The following SPRING1 variants were observed in gnomAD, a reference collection of about 807,000 sequenced individuals.
SPRING1 encodes SREBF pathway regulator in golgi 1, also known as SREBP regulating gene protein.
In SPRING1, 14 loss-of-function variants were observed where a neutral mutation model predicts 24.7. That is an observed-to-expected ratio of 0.57 (90% CI 0.37 to 0.88). The LOEUF is 0.88. Among genes scored for constraint, SPRING1 ranks in the 40% least tolerant of loss-of-function variants. The pLI is 0.00. For synonymous variants in SPRING1, 93 were observed against 106.1 expected, an observed-to-expected ratio of 0.88 and a Z score of 0.76; for missense variants, 255 against 268.4, an observed-to-expected ratio of 0.95 and a Z score of 0.35.
chr12:116,729,177 C>A (rs73401316), intron 1 of SPRING1, among the ~76,000 whole-genome samples: 1 of 152,128 alleles, frequency 6.6e-6, no homozygotes, highest in African/African-American at 2.4e-5. Context: ...GCTGAATCTC[C>A]GAAGCGACCT....
At chr12:116,719,709 T>C in intron 4 of SPRING1, 54 bp downstream of exon 4, 1 of 1,468,132 alleles carries the variant, frequency 6.8e-7, no homozygotes, top group Non-Finnish European at 9.5e-7. Context: ...TTTTCTAGTT[T>C]CCTTCTAACC....
intron 2 of SPRING1, among the ~76,000 whole-genome samples, chr12:116,722,420 G>A (rs1167802603): frequency 6.6e-6 from 1 of 152,170 alleles, no homozygotes; most frequent in Non-Finnish European, 1.5e-5. Context: ...CTCACTGAAT[G>A]TCACACATCC....
At position 116,717,714 on chromosome 12, in the gene SPRING1, T is replaced by C; in HGVS notation, c.*96A>G. On this transcript the variant is annotated 3_prime_UTR_variant, in exon 5 of 5. Coordinates refer to ENST00000261318, the MANE Select transcript of SPRING1 (RefSeq NM_024738.4). This position sits in a 1 kb window ranked among gnomAD's most constrained non-coding sequence, Gnocchi z 4.2. ...TTTCCTCACGCTGCCTTTGTCTTCT[T>C]CCTGCAGCCTGGCCCGATGGCTGAA... 1 of 1,129,178 alleles carries C rather than the reference T, an allele frequency of 8.9e-7. No individual in the cohort carries two copies. Among genetic ancestry groups the C allele is most frequent in the East Asian group, 2.7e-5 (1 of 36,866 alleles). 69.9% of individuals were successfully genotyped at this position (1,129,178 alleles called of 1,614,324 possible). A position where few individuals can be genotyped will look rare whatever the true frequency, so the allele number is the denominator to read the frequency against.
chr12:116,719,714 C>A (rs753153840), intron 4 of SPRING1, 49 bp downstream of exon 4: 11 of 1,513,352 alleles, frequency 7.3e-6, no homozygotes, highest in African/African-American at 2.7e-5. Context: ...TAGTTTCCTT[C>A]TAACCCGTCA....
At chr12:116,736,629 C>T (rs1182971210) in intron 1 of SPRING1, among the ~76,000 whole-genome samples, 1 of 152,106 alleles carries the variant, frequency 6.6e-6, no homozygotes, top group Non-Finnish European at 1.5e-5. Flanking sequence ...CTTTTTATAA[C>T]CATGTCAGGA....
Position 116,717,884 on chromosome 12 carries a change from G to A in SPRING1, c.544C>T (p.His182Tyr), listed in dbSNP as rs1184068747. 1 of 1,605,690 alleles carries A rather than the reference G, an allele frequency of 6.2e-7. No homozygotes were observed. The highest frequency in any genetic ancestry group is 8.5e-7 in the Non-Finnish European group (1 of 1,175,188). ...ATGGGGTCCCGGTAGGTGTTCTCATGCTGCACGCTCTGTTGGCAAAAGGAA... is the reference window on the plus strand; with the variant it reads ...ATGGGGTCCCGGTAGGTGTTCTCATACTGCACGCTCTGTTGGCAAAAGGAA... ...KCRTSSQSVQHENTYRDPIAK... is the reference protein window; with the variant it reads ...KCRTSSQSVQYENTYRDPIAK... The change falls in exon 5 of 5, where the codon CAT becomes TAT. Residue 182 changes from histidine to tyrosine, a missense_variant. By Grantham distance (83) the His-to-Tyr change is moderately conservative. Transcript: ENST00000261318. This position sits in a 1 kb window ranked among gnomAD's most constrained non-coding sequence, Gnocchi z 4.2.
At chr12:116,722,945 T>C (rs991433297) in intron 2 of SPRING1, 122 bp downstream of exon 2, 3 of 1,271,088 alleles carry the variant, frequency 2.4e-6, no homozygotes, top group Admixed American at 2.3e-5. Flanking sequence ...CTGGGGAATG[T>C]TGGAGATGAG....
intron 1 of SPRING1, among the ~76,000 whole-genome samples, 161 bp downstream of exon 1, chr12:116,737,622 AAGGAAGG>A: frequency 6.9e-6 from 1 of 144,086 alleles, no homozygotes; most frequent in African/African-American, 2.6e-5. Flanking sequence ...GGAAGAAGGG[AAGGAAGG>A]AGGAAGGAAG....
rs1225379177 is a variant in SPRING1, at chr12:116,716,998, G to T, written c.*812C>A. 2 of 152,174 alleles carry T rather than the reference G, an allele frequency of 1.3e-5. 1 individual carries two copies. The highest frequency in any genetic ancestry group is 4.8e-5 in the African/African-American group (2 of 41,440). 9.4% of individuals were successfully genotyped at this position (152,174 alleles called of 1,614,324 possible). A position where few individuals can be genotyped will look rare whatever the true frequency, so the allele number is the denominator to read the frequency against. The stretch of plus-strand genomic sequence containing the variant: ...AAAGAAATGAGAACAAATTCCTCCA[G>T]GAAGAGAAATTAGATTTCTGCTAAA... On this transcript the variant is annotated 3_prime_UTR_variant, in exon 5 of 5. Coordinates refer to ENST00000261318, the MANE Select transcript of SPRING1 (RefSeq NM_024738.4).
At chr12:116,735,043 G>A (rs920426045) in intron 1 of SPRING1, among the ~76,000 whole-genome samples, 1 of 152,202 alleles carries the variant, frequency 6.6e-6, no homozygotes, top group Non-Finnish European at 1.5e-5. Context: ...GGCCTAGAGT[G>A]ACAGCAGTGA....
chr12:116,720,240 T>C lies in SPRING1; in HGVS notation c.420+56A>G. 1 of 1,544,968 alleles carries C rather than the reference T, an allele frequency of 6.5e-7. No homozygotes were observed. Among genetic ancestry groups the C allele is most frequent in the Non-Finnish European group, 8.7e-7 (1 of 1,151,052 alleles). The stretch of plus-strand genomic sequence containing the variant: ...CACATGAAGAGCCTAATGCTCATCA[T>C]AAAACAGAGGCCGAAAGAAAAAAGG... On this transcript the variant is annotated intron_variant, in intron 3 of 4. Coordinates refer to ENST00000261318, the MANE Select transcript of SPRING1 (RefSeq NM_024738.4). This position sits in a 1 kb window ranked among gnomAD's most constrained non-coding sequence, Gnocchi z 4.0.
rs1366382484 is a variant in SPRING1 at position 116,711,719 on chromosome 12, A to G, written c.*6091T>C. 1.3e-5 allele frequency: 2 copies of G among 152,292 alleles called. No individual in the cohort carries two copies. The highest frequency in any genetic ancestry group is 4.8e-5 in the African/African-American group (2 of 41,356). 9.4% of individuals were successfully genotyped at this position (152,292 alleles called of 1,614,324 possible). A position where few individuals can be genotyped will look rare whatever the true frequency, so the allele number is the denominator to read the frequency against. On this transcript the variant is annotated 3_prime_UTR_variant, in exon 5 of 5. Transcript: ENST00000261318. ...AGCCTTGACCTCCTGGACTCAAGCCATCCTCCCGCCTCAGCCTCCTGAGTA... is the reference window on the plus strand; with the variant it reads ...AGCCTTGACCTCCTGGACTCAAGCCGTCCTCCCGCCTCAGCCTCCTGAGTA...
At chr12:116,737,702 A>G in intron 1 of SPRING1, 88 bp downstream of exon 1, 1 of 1,301,216 alleles carries the variant, frequency 7.7e-7, no homozygotes, top group Admixed American at 3.1e-5. Flanking sequence ...AAAAGGAGGA[A>G]GGTAACGAAG....
rs531454929 is a variant in SPRING1 at position 116,728,072 on chromosome 12, T to G, written c.112-4849A>C. Reference sequence around the variant, plus strand: ...AGTTATGCAAACAGCCCTGAGACTTTCAGGAGCTGCACCACTTGAACACGT... The same window carrying G: ...AGTTATGCAAACAGCCCTGAGACTTGCAGGAGCTGCACCACTTGAACACGT... On this transcript the variant is annotated intron_variant, in intron 1 of 4. Transcript: ENST00000261318. This position sits in a 1 kb window ranked among gnomAD's most constrained non-coding sequence, Gnocchi z 4.2. Among the ~76,000 whole-genome samples the G allele has an allele frequency of 2.6e-5, 4 of 152,266 alleles. No homozygotes were observed. In the East Asian group the frequency reaches 7.7e-4, roughly 29 times the overall value.
In SPRING1 at chr12:116,720,533, A is replaced by T; in HGVS notation, c.269-86T>A. The T allele has an allele frequency of 6.5e-7, 1 of 1,530,550 alleles. No individual in the cohort carries two copies. The highest frequency in any genetic ancestry group is 8.9e-7 in the Non-Finnish European group (1 of 1,125,404). 94.8% of individuals were successfully genotyped at this position (1,530,550 alleles called of 1,614,324 possible). A position where few individuals can be genotyped will look rare whatever the true frequency, so the allele number is the denominator to read the frequency against. On this transcript the variant is annotated intron_variant, in intron 2 of 4. Coordinates refer to ENST00000261318, the MANE Select transcript of SPRING1 (RefSeq NM_024738.4). This position sits in a 1 kb window ranked among gnomAD's most constrained non-coding sequence, Gnocchi z 4.0. ...ATGACCATGAAGCAGCAGTGAAAGT[A>T]CACAGACAGAAGCTGGAGTCTGGGG... is the stretch of plus-strand genomic sequence containing the variant.
Position 116,720,436 on chromosome 12 carries a change from C to T in SPRING1, c.280G>A (p.Glu94Lys), listed in dbSNP as rs558278615. ...LITDELGYVCERKDLLVNGCC... is the reference protein window; with the variant it reads ...LITDELGYVCKRKDLLVNGCC... ...CCATTTACCAGCAAATCCTTCCTCT[C>T]GCAAACGTAGCCTGAAAGTCAGAGA... Residue 94 changes from glutamate (E) to lysine (K), a missense_variant, in exon 3 of 5, where the codon GAG (glutamate) becomes AAG (lysine). Glu to Lys is a moderately conservative substitution (Grantham distance 56). Coordinates refer to ENST00000261318, the MANE Select transcript of SPRING1 (RefSeq NM_024738.4). The surrounding 1 kb of genome is among the most constrained non-coding windows in gnomAD (Gnocchi z 4.0). The T allele has an allele frequency of 6.0e-5, 97 of 1,613,990 alleles. No homozygotes were observed. The East Asian group carries it at 1.4e-3, about 23-fold the overall frequency.
Position 116,733,074 on chromosome 12 carries a change from A to G in SPRING1, c.111+4716T>C, listed in dbSNP as rs1418448249. Among the ~76,000 whole-genome samples, 3 of 152,240 alleles carry G rather than the reference A, an allele frequency of 2.0e-5. No homozygotes were observed. The East Asian group carries it at 5.8e-4, about 29-fold the overall frequency. On this transcript the variant is annotated intron_variant, in intron 1 of 4. Transcript: ENST00000261318. ...AATAAATCTGTAAGGTTATCTGAAA[A>G]AAGCGTTTTAAGTGTTACTGAAGGA...
intron 1 of SPRING1, among the ~76,000 whole-genome samples, chr12:116,734,003 C>A (rs972561542): frequency 6.6e-6 from 1 of 152,110 alleles, no homozygotes; most frequent in Non-Finnish European, 1.5e-5. Context: ...CAGCCTCCTG[C>A]ATAGCTGGGA....
rs1206931111 is a variant in SPRING1, at chr12:116,738,019, C to A, written c.-119G>T. On this transcript the variant is annotated 5_prime_UTR_variant, in exon 1 of 5. Coordinates refer to ENST00000261318, the MANE Select transcript of SPRING1 (RefSeq NM_024738.4). ...CCCTCCAGGCAGGCGCCGGCCCCGC[C>A]GCCCGCAGCCCAGTCTGCTCCCGGC... 3.6e-6 allele frequency: 4 copies of A among 1,112,318 alleles called. No homozygotes were observed. Among genetic ancestry groups the A allele is most frequent in the Non-Finnish European group, 4.4e-6 (4 of 910,620 alleles). The allele number at this position is 1,112,318 out of a possible 1,614,324, so 68.9% of individuals were successfully genotyped here. A position where few individuals can be genotyped will look rare whatever the true frequency, so the allele number is the denominator to read the frequency against.
Sources: gnomAD v4.1 joint callset for allele counts (sites outside exome capture counted in the v4.1 genomes callset) on GRCh38, gnomAD v4.1.1 for gene constraint, Gnocchi (gnomAD v3.1) non-coding constraint, MANE v1.5 for transcripts, NCBI Gene and HGNC (gene_info 2026-07-23, HGNC 2026-07-21) for gene names.